The following TRAP1 variants were observed in gnomAD, a reference collection of about 807,000 sequenced individuals.
The protein encoded by TRAP1 is TNF receptor associated protein 1, also known as heat shock protein 75 kDa, mitochondrial.
In TRAP1, 102 loss-of-function variants were observed where a neutral mutation model predicts 89.1. That is an observed-to-expected ratio of 1.15 (90% CI 0.98 to 1.35). The LOEUF is 1.35. TRAP1 is among the 40% of genes most tolerant of loss of function. The pLI is 0.00. For missense variants in TRAP1, 1,256 were observed against 945.3 expected (o/e 1.33, Z -4.31); for synonymous variants, 508 against 388.0 (o/e 1.31, Z -3.64).
At chr16:3,692,416 A>C (rs2051226672) in intron 1 of TRAP1, among the ~76,000 whole-genome samples, 2 of 151,528 alleles carry the variant, frequency 1.3e-5, no homozygotes, top group Admixed American at 6.6e-5. Context: ...GGCACCTGTA[A>C]TCCCAGCTAC....
At chr16:3,662,365 C>T (rs1239503295) in intron 15 of TRAP1, 2 of 604,286 alleles carry the variant, frequency 3.3e-6, no homozygotes, top group Admixed American at 3.0e-5. Context: ...TGCCCCGCTG[C>T]TGCCTCCAGG....
intron 16 of TRAP1, 149 bp downstream of exon 16, chr16:3,661,838 G>C: frequency 9.2e-7 from 1 of 1,083,572 alleles, no homozygotes; most frequent in Non-Finnish European, 1.2e-6. Context: ...CATGGGTGCA[G>C]CCTAAACTGC....
chr16:3,710,073 C>A (rs1394250360), intron 1 of TRAP1, among the ~76,000 whole-genome samples: 3 of 152,210 alleles, frequency 2.0e-5, no homozygotes, highest in Non-Finnish European at 4.4e-5. Flanking sequence ...TGTTCCAGAA[C>A]CTGGTCTAAT....
At chr16:3,690,699 C>T in intron 2 of TRAP1, 128 bp downstream of exon 2, 1 of 1,050,464 alleles carries the variant, frequency 9.5e-7, no homozygotes, top group Non-Finnish European at 1.3e-6. Flanking sequence ...CTCCCTACAG[C>T]CAAGACCTTC....
At chr16:3,663,003 C>T (rs1419350345) in intron 14 of TRAP1, 36 bp from the exon 15 acceptor site, 31 of 1,532,442 alleles carry the variant, frequency 2.0e-5, no homozygotes, top group Non-Finnish European at 2.7e-5. Context: ...CTCAGGCCTG[C>T]ATCCCAACTC....
intron 1 of TRAP1, among the ~76,000 whole-genome samples, chr16:3,693,360 T>C (rs1351796757): frequency 6.6e-6 from 1 of 151,748 alleles, no homozygotes; most frequent in Non-Finnish European, 1.5e-5. Flanking sequence ...GCCCATGTAA[T>C]TGCATTGTTC....
chr16:3,715,316 A>G (rs572520432), intron 1 of TRAP1, among the ~76,000 whole-genome samples: 4 of 151,958 alleles, frequency 2.6e-5, no homozygotes, highest in African/African-American at 9.7e-5. Context: ...TGGGCGCCTA[A>G]AGTCCCAGCT....
At chr16:3,693,956 G>A (rs909468643) in intron 1 of TRAP1, among the ~76,000 whole-genome samples, 1 of 149,136 alleles carries the variant, frequency 6.7e-6, no homozygotes, top group Non-Finnish European at 1.5e-5. Flanking sequence ...TCACACTACC[G>A]CACTTCTGCA....
chr16:3,696,176 T>C (rs1335819800), intron 1 of TRAP1, among the ~76,000 whole-genome samples: 1 of 152,102 alleles, frequency 6.6e-6, no homozygotes, highest in Non-Finnish European at 1.5e-5. Context: ...CTGGTCACCC[T>C]ACCTGGCAGC....
chr16:3,692,288 C>T (rs2051224898), intron 1 of TRAP1, among the ~76,000 whole-genome samples: 1 of 152,166 alleles, frequency 6.6e-6, no homozygotes, highest in African/African-American at 2.4e-5. Flanking sequence ...GTAAACCCAG[C>T]ACTTTGGGAG....
rs543998778 is a variant in TRAP1 at position 3,664,424 on chromosome 16, C to T, written c.1419G>A (p.Ser473=). The part of the protein sequence containing the change: ...DIAKLLRYES[S]ALPSGQLTSL... The stretch of plus-strand genomic sequence containing the variant: ...TGGTTAGCTGCCCGGAGGGCAGCGC[C>T]GAGGACTCGTAGCGCAGCAGCTTTG... The change falls in exon 13 of 18, where the codon TCG becomes TCA. Residue 473 remains serine (S), a synonymous_variant. Coordinates refer to ENST00000246957, the MANE Select transcript of TRAP1 (RefSeq NM_016292.3). 12 of 1,612,332 alleles carry T rather than the reference C, an allele frequency of 7.4e-6. No homozygotes were observed. Among genetic ancestry groups the T allele is most frequent in the East Asian group, 4.5e-5 (2 of 44,842 alleles).
chr16:3,706,589 G>T (rs1045206802), intron 1 of TRAP1, among the ~76,000 whole-genome samples: 1 of 149,552 alleles, frequency 6.7e-6, no homozygotes, highest in Non-Finnish European at 1.5e-5. Context: ...CCTCCCAAAT[G>T]GCTGGGACCA....
chr16:3,674,243 C>G, intron 9 of TRAP1, 96 bp downstream of exon 9: 2 of 1,504,050 alleles, frequency 1.3e-6, no homozygotes, highest in East Asian at 2.3e-5. Context: ...TTCATGCCCT[C>G]ACACTGCCAT....
At chr16:3,664,173 G>A in intron 13 of TRAP1, 101 bp downstream of exon 13, 1 of 1,299,016 alleles carries the variant, frequency 7.7e-7, no homozygotes, top group Non-Finnish European at 1.0e-6. Flanking sequence ...GTGCAGCCCT[G>A]CCCGGAGTCT....
intron 4 of TRAP1, among the ~76,000 whole-genome samples, chr16:3,684,444 G>A (rs2151264563): frequency 6.6e-6 from 1 of 152,248 alleles, no homozygotes; most frequent in Admixed American, 6.5e-5. Context: ...CCACAAGAAA[G>A]CTTCCTTTTC....
At chr16:3,664,659 G>A (rs1213398272) in intron 12 of TRAP1, 200 bp from the exon 13 acceptor site, 1 of 580,254 alleles carries the variant, frequency 1.7e-6, no homozygotes, top group Admixed American at 3.6e-5. Flanking sequence ...GAGCTCTGGG[G>A]GCTTAGGAAG....
At chr16:3,716,853 G>C (rs2051603772) in intron 1 of TRAP1, among the ~76,000 whole-genome samples, 1 of 152,200 alleles carries the variant, frequency 6.6e-6, no homozygotes, top group Non-Finnish European at 1.5e-5. Context: ...ACCTGCTCTG[G>C]GGACCCGGAT....
intron 1 of TRAP1, among the ~76,000 whole-genome samples, chr16:3,709,658 G>A (rs961586892): frequency 1.3e-5 from 2 of 151,748 alleles, no homozygotes; most frequent in African/African-American, 4.8e-5. Context: ...TTTTTTTTGT[G>A]TGTGTGTGTG....
chr16:3,674,168 T>C (rs1222015347), intron 9 of TRAP1, among the ~76,000 whole-genome samples, 171 bp downstream of exon 9: 1 of 152,084 alleles, frequency 6.6e-6, no homozygotes, highest in African/African-American at 2.4e-5. Context: ...TGATCCACCC[T>C]CCTCAGCCTC....
Sources: gnomAD v4.1 joint callset for allele counts (sites outside exome capture counted in the v4.1 genomes callset) on GRCh38, gnomAD v4.1.1 for gene constraint, MANE v1.5 for transcripts, NCBI Gene and HGNC (gene_info 2026-07-23, HGNC 2026-07-21) for gene names.